The following TMEM63B variants were observed in gnomAD, a reference collection of about 807,000 sequenced individuals.
TMEM63B encodes mechanosensitive cation channel TMEM63B.
TMEM63B carries 23 observed loss-of-function variants against 102.6 expected under a neutral mutation model. The observed-to-expected ratio is 0.22, with a 90% CI of 0.16 to 0.32. The LOEUF is 0.32. Ranked by LOEUF, TMEM63B falls within the 10% of genes least tolerant of loss-of-function variation. TMEM63B has a pLI of 1.00. For missense variants in TMEM63B, 628 were observed against 1,095.9 expected, an observed-to-expected ratio of 0.57 and a Z score of 6.03; for synonymous variants, 444 against 437.0, an observed-to-expected ratio of 1.02 and a Z score of -0.20.
In TMEM63B at chr6:44,146,840, G is replaced by A; in HGVS notation, c.783-7G>A. The A allele has an allele frequency of 6.2e-7, 1 of 1,613,888 alleles. No individual in the cohort carries two copies. Among genetic ancestry groups the A allele is most frequent in the Non-Finnish European group, 8.5e-7 (1 of 1,179,886 alleles). ...CTGCACAAGATGATACATGAACTGTGTTTCAGGGAAGCCTACCCCAACTGC... is the reference window on the plus strand; with the variant it reads ...CTGCACAAGATGATACATGAACTGTATTTCAGGGAAGCCTACCCCAACTGC... On this transcript the variant is annotated splice_region_variant and splice_polypyrimidine_tract_variant and intron_variant, in intron 10 of 23. Coordinates refer to ENST00000323267, the MANE Select transcript of TMEM63B (RefSeq NM_018426.3).
At chr6:44,147,879 T>G (rs1765750968) in intron 12 of TMEM63B, among the ~76,000 whole-genome samples, 1 of 152,154 alleles carries the variant, frequency 6.6e-6, no homozygotes, top group Non-Finnish European at 1.5e-5. Context: ...ATCCCAGCAC[T>G]TTGTGAGGCT....
At position 44,150,245 on chromosome 6, in the gene TMEM63B, C is replaced by T; in HGVS notation, c.1542C>T (p.Thr514=). 6.2e-7 allele frequency: 1 copy of T among 1,614,068 alleles called. No homozygotes were observed. Among genetic ancestry groups the T allele is most frequent in the African/African-American group, 1.3e-5 (1 of 75,042 alleles). ...HWTRSGENRT[T]MHKCYTFLIF... is the part of the protein sequence containing the mutation. ...CCAGCTCTGGGGAGAACAGGACAAC[C>T]ATGCACAAGTGCTACACTTTCCTCA... The change falls in exon 17 of 24, where the codon ACC becomes ACT. Residue 514 remains threonine, a synonymous_variant. Transcript: ENST00000323267. This position sits in a 1 kb window ranked among gnomAD's most constrained non-coding sequence, Gnocchi z 4.7.
Position 44,152,777 on chromosome 6 carries a change from C to A in TMEM63B, c.1942+79C>A. ...ACCCTCTCCACTCTAGGAATGCAGG[C>A]CACCCCGAGTGGACAGGGCCCGGCT... On this transcript the variant is annotated intron_variant, in intron 20 of 23. Coordinates refer to ENST00000323267, the MANE Select transcript of TMEM63B (RefSeq NM_018426.3). This position sits in a 1 kb window ranked among gnomAD's most constrained non-coding sequence, Gnocchi z 6.4. 8.0e-7 allele frequency: 1 copy of A among 1,250,164 alleles called. No homozygotes were observed. The highest frequency in any genetic ancestry group is 1.1e-6 in the Non-Finnish European group (1 of 874,814). The allele number at this position is 1,250,164 out of a possible 1,614,324, so 77.4% of individuals were successfully genotyped here. A position where few individuals can be genotyped will look rare whatever the true frequency, so the allele number is the denominator to read the frequency against.
At chr6:44,136,213 T>C (rs1762917892) in intron 4 of TMEM63B, 136 bp from the exon 5 acceptor site, 1 of 682,040 alleles carries the variant, frequency 1.5e-6, no homozygotes, top group African/African-American at 1.8e-5. Context: ...GGGCAGTCAT[T>C]CCTCTCTGCT....
At chr6:44,141,723 C>T (rs1241320804) in intron 10 of TMEM63B, among the ~76,000 whole-genome samples, 3 of 152,162 alleles carry the variant, frequency 2.0e-5, no homozygotes, top group Non-Finnish European at 2.9e-5. Context: ...GGGACAGTCT[C>T]TATACCACAG....
At chr6:44,134,003 G>A (rs1324159555) in intron 1 of TMEM63B, among the ~76,000 whole-genome samples, 2 of 152,200 alleles carry the variant, frequency 1.3e-5, no homozygotes, top group Admixed American at 6.5e-5. Flanking sequence ...CTGACCCATC[G>A]TCGAACCTAA....
chr6:44,147,346 A>G, intron 11 of TMEM63B, 31 bp from the exon 12 acceptor site: 1 of 1,614,080 alleles, frequency 6.2e-7, no homozygotes, highest in Non-Finnish European at 8.5e-7. Flanking sequence ...CCAGCCCCAG[A>G]TGTAGGTGAC....
Position 44,138,536 on chromosome 6 carries a change from A to G in TMEM63B, c.407+19A>G. The G allele has an allele frequency of 1.2e-6, 2 of 1,613,924 alleles. No homozygotes were observed. Among genetic ancestry groups the G allele is most frequent in the Non-Finnish European group, 8.5e-7 (1 of 1,179,958 alleles). ...GGATAAAGTAAGTGGACCATCTTCA[A>G]GCTCTAAAGAAAGAGAGAAACTTCA... On this transcript the variant is annotated intron_variant, in intron 6 of 23. Coordinates refer to ENST00000323267, the MANE Select transcript of TMEM63B (RefSeq NM_018426.3).
chr6:44,138,736 G>GTCCCCCCCGC, intron 6 of TMEM63B: 1 of 280,538 alleles, frequency 3.6e-6, no homozygotes, highest in Non-Finnish European at 6.9e-6. Context: ...CCCCCTGCCG[G>GTCCCCCCCGC]CCCCCCCGCT....
Position 44,154,458 on chromosome 6 carries a change from A to G in TMEM63B, c.2307+13A>G, listed in dbSNP as rs768345102. On this transcript the variant is annotated intron_variant, in intron 23 of 23. Transcript: ENST00000323267. ...CCCCAAATCTGCGGTGAGTGCCCTCAAGGGTTGGGAGGGGCCTCTGACAGA... is the reference window on the plus strand; with the variant it reads ...CCCCAAATCTGCGGTGAGTGCCCTCGAGGGTTGGGAGGGGCCTCTGACAGA... 2 of 1,613,808 alleles carry G rather than the reference A, an allele frequency of 1.2e-6. No homozygotes were observed. Among genetic ancestry groups the G allele is most frequent in the South Asian group, 2.2e-5 (2 of 91,072 alleles).
intron 9 of TMEM63B, 40 bp downstream of exon 9, chr6:44,140,400 C>G: frequency 6.5e-7 from 1 of 1,535,428 alleles, no homozygotes; most frequent in East Asian, 2.3e-5. Context: ...CATCCCCAGC[C>G]TCTTCCCTTC....
intron 23 of TMEM63B, 55 bp downstream of exon 23, chr6:44,154,500 A>G: frequency 6.2e-7 from 1 of 1,603,390 alleles, no homozygotes; most frequent in Non-Finnish European, 8.5e-7. Flanking sequence ...CTCAAAGCCC[A>G]GTGTTCCCTT....
At chr6:44,146,438 TG>T (rs1473556776) in intron 10 of TMEM63B, among the ~76,000 whole-genome samples, 4 of 134,054 alleles carry the variant, frequency 3.0e-5, no homozygotes, top group Admixed American at 2.3e-4. Flanking sequence ...CAGCTTGAAT[TG>T]GAGATGTGGG....
chr6:44,140,557 T>C, intron 9 of TMEM63B, 197 bp downstream of exon 9: 1 of 676,822 alleles, frequency 1.5e-6, no homozygotes, highest in Non-Finnish European at 2.7e-6. Flanking sequence ...ATAACAACAG[T>C]ACCTCCCCCA....
At chr6:44,133,833 C>T (rs1291528925) in intron 1 of TMEM63B, among the ~76,000 whole-genome samples, 1 of 152,240 alleles carries the variant, frequency 6.6e-6, no homozygotes, top group East Asian at 1.9e-4. Context: ...GAGCATGGCA[C>T]TCTGGGAGTT....
rs1410873358 is a variant in TMEM63B, at chr6:44,152,780, C to A, written c.1942+82C>A. On this transcript the variant is annotated intron_variant, in intron 20 of 23. Coordinates refer to ENST00000323267, the MANE Select transcript of TMEM63B (RefSeq NM_018426.3). The surrounding 1 kb of genome is among the most constrained non-coding windows in gnomAD (Gnocchi z 6.4). Reference sequence around the variant, plus strand: ...CTCTCCACTCTAGGAATGCAGGCCACCCCGAGTGGACAGGGCCCGGCTGGG... The same window carrying A: ...CTCTCCACTCTAGGAATGCAGGCCAACCCGAGTGGACAGGGCCCGGCTGGG... 6 of 1,213,372 alleles carry A rather than the reference C, an allele frequency of 4.9e-6. No individual in the cohort carries two copies. Among genetic ancestry groups the A allele is most frequent in the Non-Finnish European group, 5.9e-6 (5 of 843,202 alleles). 75.2% of individuals were successfully genotyped at this position (1,213,372 alleles called of 1,614,324 possible).
At chr6:44,132,053 A>G (rs1296842244) in intron 1 of TMEM63B, among the ~76,000 whole-genome samples, 1 of 151,992 alleles carries the variant, frequency 6.6e-6, no homozygotes, top group African/African-American at 2.4e-5. Flanking sequence ...CACCCCCACA[A>G]TTAAAAGCTT....
At chr6:44,149,314 G>A (rs1031055678) in intron 15 of TMEM63B, 9 of 361,408 alleles carry the variant, frequency 2.5e-5, no homozygotes, top group Non-Finnish European at 4.2e-5. Context: ...GAAACCCAGT[G>A]TGGAAAAGCA....
rs544224328 is a variant in TMEM63B at position 44,131,233 on chromosome 6, A to C, written c.-24-3328A>C. Among the ~76,000 whole-genome samples, 3 of 152,068 alleles carry C rather than the reference A, an allele frequency of 2.0e-5. No individual in the cohort carries two copies. The East Asian group carries it at 5.8e-4, about 29-fold the overall frequency. On this transcript the variant is annotated intron_variant, in intron 1 of 23. Coordinates refer to ENST00000323267, the MANE Select transcript of TMEM63B (RefSeq NM_018426.3). ...GTGCCTGGCACCTACTACTACTTTT[A>C]TGCTCACTTGTGGATATATTCTTGC...
Sources: allele counts gnomAD v4.1 joint callset (sites outside exome capture counted in the v4.1 genomes callset), GRCh38; gene constraint gnomAD v4.1.1; non-coding constraint Gnocchi (gnomAD v3.1); transcripts MANE v1.5; gene names NCBI Gene and HGNC (gene_info 2026-07-23, HGNC 2026-07-21).